The following NTNG1 variants were observed in gnomAD, a reference collection of about 807,000 sequenced individuals.
NTNG1 encodes netrin-G1.
In NTNG1, 16 loss-of-function variants were observed where a neutral mutation model predicts 54.0. The observed-to-expected ratio is 0.30, with a 90% CI of 0.20 to 0.45. The LOEUF (loss-of-function observed/expected upper bound fraction) is 0.45, where lower values mean the gene tolerates loss of function less well. NTNG1 is among the 20% of genes least tolerant of loss of function. NTNG1 has a pLI of 1.00. For synonymous variants in NTNG1, 255 were observed against 263.1 expected, an observed-to-expected ratio of 0.97 and a Z score of 0.30; for missense variants, 530 against 678.7, an observed-to-expected ratio of 0.78 and a Z score of 2.43.
chr1:107,386,164 TA>T (rs148677476), intron 3 of NTNG1, among the ~76,000 whole-genome samples: 9,059 of 89,854 alleles, frequency 0.1, 481 homozygotes, highest in Middle Eastern at 0.21. Flanking sequence ...TATATATATA[TA>T]TTTTTTTTTT....
chr1:107,480,578 C>CCCCG, intron 7 of NTNG1, 33 bp from the exon 8 acceptor site: 1 of 577,312 alleles, frequency 1.7e-6, no homozygotes, highest in Non-Finnish European at 3.2e-6. Context: ...CTCCCCGCGC[C>CCCCG]CACCCACCCC....
chr1:107,477,757 TTG>T (rs1211283996), intron 7 of NTNG1, among the ~76,000 whole-genome samples: 7 of 152,172 alleles, frequency 4.6e-5, no homozygotes, highest in Non-Finnish European at 8.8e-5. Flanking sequence ...TAATATGTGT[TTG>T]TGTGTTTATT....
intron 4 of NTNG1, among the ~76,000 whole-genome samples, chr1:107,407,140 A>T (rs992834185): frequency 2.6e-5 from 4 of 152,208 alleles, no homozygotes; most frequent in Non-Finnish European, 4.4e-5. Context: ...CACACATCTG[A>T]CAAGTAAAAG....
rs147102133 is a variant in NTNG1 at position 107,234,225 on chromosome 1, C to T, written c.246+85386C>T. Among the ~76,000 whole-genome samples, 6 of 152,208 alleles carry T rather than the reference C, an allele frequency of 3.9e-5. No individual in the cohort carries two copies. The South Asian group carries it at 8.3e-4, about 21-fold the overall frequency. ...GCAACGTCTGTCTCCTGGGTTCAAG[C>T]GATTTTCCTGCCTCAGTCTCCCGAG... On this transcript the variant is annotated intron_variant, in intron 2 of 7. Coordinates refer to ENST00000370068, the MANE Select transcript of NTNG1 (RefSeq NM_001113226.3).
At chr1:107,253,906 G>A (rs1366042095) in intron 2 of NTNG1, among the ~76,000 whole-genome samples, 4 of 152,174 alleles carry the variant, frequency 2.6e-5, no homozygotes, top group African/African-American at 4.8e-5. Context: ...ACAAAATAGT[G>A]AACAGTGAAC....
intron 3 of NTNG1, among the ~76,000 whole-genome samples, chr1:107,350,495 T>C (rs1305153206): frequency 6.6e-6 from 1 of 152,212 alleles, no homozygotes. Flanking sequence ...TCTGTGTATA[T>C]ATCAAAAGGA....
At chr1:107,156,799 C>T (rs753196639) in intron 2 of NTNG1, among the ~76,000 whole-genome samples, 7 of 152,110 alleles carry the variant, frequency 4.6e-5, no homozygotes, top group Non-Finnish European at 1.0e-4. Context: ...TTAGGCAGGT[C>T]CCACTCTCTG....
In NTNG1 at chr1:107,208,026, C is replaced by T. The variant is rs575855185; in HGVS notation, c.246+59187C>T. 9.2e-5 allele frequency among the ~76,000 whole-genome samples: 14 copies of T among 152,248 alleles called. No homozygotes were observed. In the South Asian group the frequency reaches 2.9e-3, roughly 32 times the overall value. ...GGGAACCATTGTCCCTGTCCCCCTC[C>T]TCTTCATCATGATCGTGGAAACAGA... On this transcript the variant is annotated intron_variant, in intron 2 of 7. Coordinates refer to ENST00000370068, the MANE Select transcript of NTNG1 (RefSeq NM_001113226.3).
intron 2 of NTNG1, among the ~76,000 whole-genome samples, chr1:107,170,904 T>G (rs1254072511): frequency 6.6e-6 from 1 of 152,152 alleles, no homozygotes; most frequent in East Asian, 1.9e-4. Context: ...TAGATTCTAG[T>G]AAAGAATGCA....
intron 2 of NTNG1, among the ~76,000 whole-genome samples, chr1:107,280,944 G>A (rs1322387053): frequency 3.3e-5 from 5 of 151,078 alleles, no homozygotes; most frequent in Non-Finnish European, 4.4e-5. Context: ...CAATCACTTC[G>A]AGTAATGGAA....
intron 2 of NTNG1, among the ~76,000 whole-genome samples, chr1:107,317,907 C>CA (rs1472454331): frequency 6.6e-6 from 1 of 152,134 alleles, no homozygotes; most frequent in Non-Finnish European, 1.5e-5. Flanking sequence ...CAGAGTTATA[C>CA]AAAAACAAAA....
intron 3 of NTNG1, among the ~76,000 whole-genome samples, chr1:107,337,611 ATG>A (rs1420637438): frequency 6.8e-6 from 1 of 146,676 alleles, no homozygotes; most frequent in Non-Finnish European, 1.5e-5. Context: ...ATAGTAAATT[ATG>A]TGTTATGTGT....
intron 3 of NTNG1, among the ~76,000 whole-genome samples, chr1:107,389,183 G>A (rs1029565748): frequency 9.2e-5 from 14 of 152,358 alleles, no homozygotes; most frequent in South Asian, 8.3e-4. Context: ...AAAGGGCCCC[G>A]AAGCTAAACT....
intron 3 of NTNG1, among the ~76,000 whole-genome samples, chr1:107,353,659 A>G (rs1277556580): frequency 6.6e-6 from 1 of 152,124 alleles, no homozygotes; most frequent in Non-Finnish European, 1.5e-5. Context: ...CCACATTTTC[A>G]GATATTTTTA....
chr1:107,352,092 G>A (rs770810028), intron 3 of NTNG1, among the ~76,000 whole-genome samples: 13 of 152,232 alleles, frequency 8.5e-5, no homozygotes, highest in Non-Finnish European at 1.3e-4. Context: ...TTCAGCCCCT[G>A]TGGCTGCTTT....
intron 7 of NTNG1, among the ~76,000 whole-genome samples, chr1:107,448,690 T>A (rs544163073): frequency 6.0e-4 from 91 of 152,168 alleles, no homozygotes; most frequent in African/African-American, 2.0e-3. Context: ...TAATGGTGGC[T>A]GGGAAGTCAA....
At chr1:107,472,689 C>G (rs1418130281) in intron 7 of NTNG1, among the ~76,000 whole-genome samples, 1 of 152,038 alleles carries the variant, frequency 6.6e-6, no homozygotes, top group Non-Finnish European at 1.5e-5. Context: ...CATGGCCAGA[C>G]CAGACCAGAC....
intron 7 of NTNG1, among the ~76,000 whole-genome samples, chr1:107,461,123 T>G (rs1229741924): frequency 6.6e-6 from 1 of 152,210 alleles, no homozygotes; most frequent in Non-Finnish European, 1.5e-5. Flanking sequence ...CTCTGGATAT[T>G]GAGTATACTG....
chr1:107,364,248 G>T (rs546542735), intron 3 of NTNG1, among the ~76,000 whole-genome samples: 8 of 151,948 alleles, frequency 5.3e-5, no homozygotes, highest in Admixed American at 5.3e-4. Context: ...ATTTTAATTT[G>T]TATTTACCAT....
Sources: allele counts gnomAD v4.1 joint callset (sites outside exome capture counted in the v4.1 genomes callset), GRCh38; gene constraint gnomAD v4.1.1; transcripts MANE v1.5; gene names NCBI Gene and HGNC (gene_info 2026-07-23, HGNC 2026-07-21).